UBQLN4: variants seen among roughly 807,000 people sequenced by gnomAD.
UBQLN4 encodes ubiquilin-4.
In UBQLN4, 11 loss-of-function variants were observed where a neutral mutation model predicts 60.4. The ratio of observed to expected loss-of-function variants is 0.18; its 90% confidence interval spans 0.11 to 0.30. UBQLN4 has a LOEUF of 0.30. Ranked by LOEUF, UBQLN4 falls within the 10% of genes least tolerant of loss-of-function variation. The pLI is 1.00. For synonymous variants in UBQLN4, 258 were observed against 313.1 expected, an observed-to-expected ratio of 0.82 and a Z score of 1.86; for missense variants, 417 against 795.5, an observed-to-expected ratio of 0.52 and a Z score of 5.72.
chr1:156,037,016 C>T lies in UBQLN4; in HGVS notation c.1768G>A (p.Ala590Thr). The change falls in exon 11 of 11, where the codon GCA becomes ACA. Residue 590 changes from alanine to threonine, a missense_variant. Transcript: ENST00000368309. ...GAGCCCAGCAGTCTCTCGATAGCTG[C>T]GTTGATGTCCCCTCCTGTGGCAATC... ...ALIATGGDIN[A>T]AIERLLGSQL... 3 of 1,614,164 alleles carry T rather than the reference C, an allele frequency of 1.9e-6. No individual in the cohort carries two copies. The highest frequency in any genetic ancestry group is 1.7e-6 in the Non-Finnish European group (2 of 1,180,026).
In UBQLN4 at chr1:156,044,180, C is replaced by A. The variant is rs149230633; in HGVS notation, c.944G>T (p.Ser315Ile). The A allele has an allele frequency of 3.2e-6, 5 of 1,575,762 alleles. No individual in the cohort carries two copies. In the African/African-American group the frequency reaches 5.4e-5, roughly 17 times the overall value. ...AGTCCGCAGAGGCTGGGAGGATGAG[C>A]TGTCGGAGTTCCCGGCCAGGGAAGA... ...PFSSLAGNSDSSSSQPLRTEN... is the reference protein window; with the variant it reads ...PFSSLAGNSDISSSQPLRTEN... Residue 315 changes from serine (S) to isoleucine (I), a missense_variant, in exon 6 of 11, where the codon AGC becomes ATC. Ser to Ile is a moderately radical substitution (Grantham distance 142). Transcript: ENST00000368309.
At chr1:156,047,174 T>C (rs758249420) in intron 5 of UBQLN4, among the ~76,000 whole-genome samples, 1 of 152,156 alleles carries the variant, frequency 6.6e-6, no homozygotes, top group Non-Finnish European at 1.5e-5. Context: ...CTGTAAACCT[T>C]TTTTTAGCCT....
chr1:156,041,413 TC>T (rs1461388451), intron 10 of UBQLN4, 71 bp downstream of exon 10: 8 of 1,460,010 alleles, frequency 5.5e-6, no homozygotes, highest in Non-Finnish European at 6.4e-6. Flanking sequence ...CTGCCTCTAT[TC>T]TATTGCTTCC....
At chr1:156,047,009 TAGGAG>T (rs1455913172) in intron 5 of UBQLN4, among the ~76,000 whole-genome samples, 3 of 151,890 alleles carry the variant, frequency 2.0e-5, no homozygotes, top group Non-Finnish European at 4.4e-5. Context: ...AGAAAAAGAA[TAGGAG>T]AGGGGAGGGG....
At chr1:156,044,753 T>A (rs1029584421) in intron 5 of UBQLN4, among the ~76,000 whole-genome samples, 2 of 151,920 alleles carry the variant, frequency 1.3e-5, no homozygotes, top group Non-Finnish European at 2.9e-5. Context: ...CCCCAGAACC[T>A]TTCCCTCACT....
At chr1:156,033,501 G>A (rs948666780), downstream of UBQLN4, among the ~76,000 whole-genome samples, 23 of 152,160 alleles carry the variant, frequency 1.5e-4, no homozygotes, top group African/African-American at 5.5e-4. Flanking sequence ...TTTGAGACCA[G>A]TCTGGGCAAC....
Position 156,037,028 on chromosome 1 carries a change from C to G in UBQLN4, c.1756G>C (p.Gly586Arg). 6.2e-7 allele frequency: 1 copy of G among 1,614,206 alleles called. No homozygotes were observed. Among genetic ancestry groups the G allele is most frequent in the Non-Finnish European group, 8.5e-7 (1 of 1,180,032 alleles). The change falls in exon 11 of 11, where the codon GGG (glycine) becomes CGG (arginine). Residue 586 changes from glycine to arginine, a missense_variant. Physicochemically the swap from Gly to Arg is moderately radical, Grantham distance 125 (BLOSUM62 -2). Transcript: ENST00000368309. Reference protein sequence around the residue: ...ANLQALIATGGDINAAIERLL... With the variant: ...ANLQALIATGRDINAAIERLL... ...CTCTCGATAGCTGCGTTGATGTCCC[C>G]TCCTGTGGCAATCAGGGCCTGCAGG...
At chr1:156,034,872 A>ATATATTTT (rs1314680798), downstream of UBQLN4, among the ~76,000 whole-genome samples, 1 of 34,020 alleles carries the variant, frequency 2.9e-5, no homozygotes, top group Non-Finnish European at 6.2e-5. Flanking sequence ...TATATATATA[A>ATATATTTT]TTTTTTTTTC....
chr1:156,037,377 C>T (rs1479306354), intron 10 of UBQLN4, among the ~76,000 whole-genome samples: 12 of 152,174 alleles, frequency 7.9e-5, no homozygotes, highest in African/African-American at 1.4e-4. Flanking sequence ...GGGCGGATCA[C>T]GAGGTCAGAA....
At chr1:156,037,414 C>T (rs1157657610) in intron 10 of UBQLN4, among the ~76,000 whole-genome samples, 2 of 151,854 alleles carry the variant, frequency 1.3e-5, no homozygotes, top group East Asian at 1.9e-4. Context: ...GCTAACACGG[C>T]GAAACCCCAT....
Position 156,036,332 on chromosome 1 carries a change from T to C in UBQLN4, c.*646A>G. 1.0e-6 allele frequency: 1 copy of C among 985,608 alleles called. No homozygotes were observed. Among genetic ancestry groups the C allele is most frequent in the Non-Finnish European group, 1.2e-6 (1 of 829,962 alleles). 61.1% of individuals were successfully genotyped at this position (985,608 alleles called of 1,614,324 possible). On this transcript the variant is annotated 3_prime_UTR_variant, in exon 11 of 11. Transcript: ENST00000368309. ...AATTTCCTCTGGGCTGCTCCAGCGT[T>C]TGTTAATTCCTGTCCAGAGAGCTGT...
At chr1:156,044,407 G>A (rs1289025771) in intron 5 of UBQLN4, among the ~76,000 whole-genome samples, 184 bp from the exon 6 acceptor site, 1 of 152,134 alleles carries the variant, frequency 6.6e-6, no homozygotes, top group Non-Finnish European at 1.5e-5. Flanking sequence ...GCTCCATAGG[G>A]TGGGAGCTAG....
chr1:156,053,547 G>A, intron 1 of UBQLN4, 47 bp downstream of exon 1: 1 of 1,135,734 alleles, frequency 8.8e-7, no homozygotes, highest in Non-Finnish European at 1.1e-6. Flanking sequence ...CCATCTCTTC[G>A]CAGACCCCTC....
intron 2 of UBQLN4, 75 bp downstream of exon 2, chr1:156,051,631 G>C: frequency 6.3e-7 from 1 of 1,598,758 alleles, no homozygotes; most frequent in East Asian, 2.2e-5. Context: ...TCTGGGTACA[G>C]TTAAGCAATG....
chr1:156,032,371 C>A (rs1053551994), downstream of UBQLN4, among the ~76,000 whole-genome samples: 1 of 149,894 alleles, frequency 6.7e-6, no homozygotes, highest in African/African-American at 2.4e-5. Context: ...TTTGGCCGGG[C>A]GCGATGGCTC....
At chr1:156,042,578 A>G (rs1339684114) in intron 7 of UBQLN4, 196 bp downstream of exon 7, 4 of 1,059,260 alleles carry the variant, frequency 3.8e-6, no homozygotes, top group Non-Finnish European at 5.3e-6. Flanking sequence ...GGAGGTAGGA[A>G]CTATTGTTAT....
intron 4 of UBQLN4, among the ~76,000 whole-genome samples, chr1:156,049,157 G>T (rs1683795264): frequency 6.6e-6 from 1 of 152,238 alleles, no homozygotes; most frequent in East Asian, 1.9e-4. Context: ...TAGGCTCAGA[G>T]ATGTTAATTG....
At chr1:156,049,490 G>A (rs1683806270) in intron 4 of UBQLN4, among the ~76,000 whole-genome samples, 1 of 152,086 alleles carries the variant, frequency 6.6e-6, no homozygotes, top group South Asian at 2.1e-4. Context: ...CATTCAACTT[G>A]GAATACCTTC....
At position 156,035,726 on chromosome 1, in the gene UBQLN4, G is replaced by C; in HGVS notation, c.*1252C>G. The C allele has an allele frequency of 1.0e-6, 1 of 985,310 alleles. No individual in the cohort carries two copies. Among genetic ancestry groups the C allele is most frequent in the African/African-American group, 1.7e-5 (1 of 57,264 alleles). The allele number at this position is 985,310 out of a possible 1,614,324, so 61.0% of individuals were successfully genotyped here. On this transcript the variant is annotated 3_prime_UTR_variant, in exon 11 of 11. Transcript: ENST00000368309. ...GTCACAGCCCTGACAGCTTCAGAAA[G>C]GGTACCCACATTACCTCTGGGTTAC...
Sources: allele counts gnomAD v4.1 joint callset (sites outside exome capture counted in the v4.1 genomes callset), GRCh38; gene constraint gnomAD v4.1.1; transcripts MANE v1.5; gene names NCBI Gene and HGNC (gene_info 2026-07-23, HGNC 2026-07-21).